ABCA13: variants seen among roughly 807,000 people sequenced by gnomAD.
The protein encoded by ABCA13 is ATP-binding cassette sub-family A member 13.
Under a neutral mutation model 478.7 loss-of-function variants are expected in ABCA13, and 476 were observed. The observed-to-expected ratio is 0.99, with a 90% CI of 0.92 to 1.07. ABCA13 has a LOEUF of 1.07. Ranked by LOEUF, ABCA13 falls within the 50% of genes least tolerant of loss-of-function variation. ABCA13 has a pLI of 0.00. For missense variants in ABCA13, 6,060 were observed against 5,910.6 expected (o/e 1.03, Z -0.83); for synonymous variants, 2,252 against 2,158.9 (o/e 1.04, Z -1.20).
At chr7:48,540,920 C>A (rs1208276185) in intron 55 of ABCA13, among the ~76,000 whole-genome samples, 1 of 152,072 alleles carries the variant, frequency 6.6e-6, no homozygotes, top group Non-Finnish European at 1.5e-5. Flanking sequence ...TAACTCTCAA[C>A]TTTTTGTCTT....
chr7:48,350,882 G>A, intron 30 of ABCA13, 63 bp downstream of exon 30: 1 of 1,528,626 alleles, frequency 6.5e-7, no homozygotes, highest in African/African-American at 1.4e-5. Context: ...GTCATTTTGG[G>A]AGTTTCTCCC....
At chr7:48,198,591 A>C (rs747384097) in intron 3 of ABCA13, among the ~76,000 whole-genome samples, 1 of 152,252 alleles carries the variant, frequency 6.6e-6, no homozygotes, top group Non-Finnish European at 1.5e-5. Flanking sequence ...GTAATAACTG[A>C]TTAGCAAATG....
chr7:48,547,415 G>A (rs1373802685), intron 55 of ABCA13, among the ~76,000 whole-genome samples: 1 of 151,884 alleles, frequency 6.6e-6, no homozygotes, highest in East Asian at 1.9e-4. Flanking sequence ...TCCATGCTAT[G>A]TCTAAGATAT....
Position 48,271,977 on chromosome 7 carries a change from A to T in ABCA13, c.2311A>T (p.Ser771Cys). 1 of 1,613,630 alleles carries T rather than the reference A, an allele frequency of 6.2e-7. No individual in the cohort carries two copies. Among genetic ancestry groups the T allele is most frequent in the Non-Finnish European group, 8.5e-7 (1 of 1,179,710 alleles). ...TCTCACAGAGGATATTCTGAATATA[A>T]GTTCTCTGTGGACAAATCATTTAAA... ...PSLTEDILNI[S>C]SLWTNHLKSL... The change falls in exon 17 of 62, where the codon AGT becomes TGT. Residue 771 changes from serine to cysteine, a missense_variant. Coordinates refer to ENST00000435803, the MANE Select transcript of ABCA13 (RefSeq NM_152701.5).
chr7:48,445,679 T>C (rs766991013), intron 42 of ABCA13, among the ~76,000 whole-genome samples: 5 of 152,168 alleles, frequency 3.3e-5, no homozygotes, highest in Non-Finnish European at 5.9e-5. Flanking sequence ...GCTCCCCTCT[T>C]ATGCTTCACA....
chr7:48,302,597 T>G, intron 23 of ABCA13, among the ~76,000 whole-genome samples: 1 of 152,222 alleles, frequency 6.6e-6, no homozygotes, highest in East Asian at 1.9e-4. Flanking sequence ...ATTTGCAGTA[T>G]TTCATTTTCT....
At chr7:48,398,453 A>G (rs1238619133) in intron 38 of ABCA13, among the ~76,000 whole-genome samples, 3 of 152,146 alleles carry the variant, frequency 2.0e-5, no homozygotes, top group Admixed American at 6.5e-5. Context: ...AACTGCAAAC[A>G]TCTGATTTAG....
chr7:48,397,755 G>C (rs1409152640), intron 38 of ABCA13, among the ~76,000 whole-genome samples: 1 of 152,210 alleles, frequency 6.6e-6, no homozygotes, highest in Non-Finnish European at 1.5e-5. Context: ...TGTGGAAAAA[G>C]CCAAATCTCC....
chr7:48,347,786 C>T (rs74952750), intron 29 of ABCA13, among the ~76,000 whole-genome samples: 113 of 152,320 alleles, frequency 7.4e-4, no homozygotes, highest in Non-Finnish European at 1.4e-3. Context: ...TTTGTCTCCT[C>T]CTCTACTGGA....
intron 1 of ABCA13, among the ~76,000 whole-genome samples, chr7:48,182,494 G>A (rs945660314): frequency 3.3e-5 from 5 of 152,140 alleles, no homozygotes; most frequent in Non-Finnish European, 5.9e-5. Context: ...TTATTTGTGT[G>A]TCTCCTTGGA....
At chr7:48,460,400 G>T (rs1826121112) in intron 43 of ABCA13, among the ~76,000 whole-genome samples, 1 of 152,114 alleles carries the variant, frequency 6.6e-6, no homozygotes, top group Non-Finnish European at 1.5e-5. Flanking sequence ...AGCTTCAGTG[G>T]CTGCCAGCGA....
At chr7:48,337,452 G>C (rs1806438496) in intron 28 of ABCA13, among the ~76,000 whole-genome samples, 1 of 152,186 alleles carries the variant, frequency 6.6e-6, no homozygotes, top group African/African-American at 2.4e-5. Context: ...GTCATCCTTA[G>C]ACAAGATTAG....
At chr7:48,196,135 T>C (rs541812514) in intron 2 of ABCA13, among the ~76,000 whole-genome samples, 90 of 152,292 alleles carry the variant, frequency 5.9e-4, no homozygotes, top group African/African-American at 2.0e-3. Flanking sequence ...TTGTAAATGA[T>C]AGAGAGCACT....
chr7:48,597,179 T>C (rs1790385547), intron 58 of ABCA13, among the ~76,000 whole-genome samples: 2 of 152,156 alleles, frequency 1.3e-5, no homozygotes, highest in Non-Finnish European at 2.9e-5. Context: ...CTCGATCTCC[T>C]GACCTTGTGA....
At chr7:48,293,853 A>C (rs1489846783) in intron 20 of ABCA13, among the ~76,000 whole-genome samples, 1 of 152,202 alleles carries the variant, frequency 6.6e-6, no homozygotes, top group Non-Finnish European at 1.5e-5. Context: ...AGAGATGTGG[A>C]GAGTGGGGAC....
At chr7:48,298,279 C>G in intron 22 of ABCA13, 87 bp from the exon 23 acceptor site, 2 of 1,245,524 alleles carry the variant, frequency 1.6e-6, no homozygotes, top group Non-Finnish European at 2.2e-6. Flanking sequence ...ACTATCCTAG[C>G]CAGGTTGTAA....
rs1562817337 is a variant in ABCA13, at chr7:48,225,139, T to TGCCTG, written c.469-2123_469-2122insGCCTG. On this transcript the variant is annotated intron_variant, in intron 5 of 61. Coordinates refer to ENST00000435803, the MANE Select transcript of ABCA13 (RefSeq NM_152701.5). ...TGCCTGCCTGCCTGCCTGCCTGCCTTCCTTCCTTCCTTCCTTCCTTCCTTC... is the reference window on the plus strand; with the variant it reads ...TGCCTGCCTGCCTGCCTGCCTGCCTTGCCTGCCTTCCTTCCTTCCTTCCTTCCTTC... 3.3e-3 allele frequency among the ~76,000 whole-genome samples: 215 copies of TGCCTG among 66,118 alleles called. 1 individual carries two copies. Among genetic ancestry groups the TGCCTG allele is most frequent in the African/African-American group, 9.1e-3 (109 of 12,014 alleles). 43.4% of individuals were successfully genotyped at this position (66,118 alleles called of 152,430 possible).
At chr7:48,340,989 T>G (rs1260234852) in intron 29 of ABCA13, among the ~76,000 whole-genome samples, 1 of 152,192 alleles carries the variant, frequency 6.6e-6, no homozygotes, top group Non-Finnish European at 1.5e-5. Context: ...AATTATCAAT[T>G]GATTTCTTGT....
intron 47 of ABCA13, among the ~76,000 whole-genome samples, chr7:48,485,014 A>G (rs976178585): frequency 6.6e-6 from 1 of 152,192 alleles, no homozygotes; most frequent in Admixed American, 6.5e-5. Flanking sequence ...TTGCATATGA[A>G]TAGGCTTAAT....
Sources: gnomAD v4.1 joint callset for allele counts (sites outside exome capture counted in the v4.1 genomes callset) on GRCh38, gnomAD v4.1.1 for gene constraint, MANE v1.5 for transcripts, NCBI Gene and HGNC (gene_info 2026-07-23, HGNC 2026-07-21) for gene names.